The following MARCHF3 variants were observed in gnomAD, a reference collection of about 807,000 sequenced individuals.
MARCHF3 encodes the protein E3 ubiquitin-protein ligase MARCHF3.
A neutral mutation model predicts 24.2 loss-of-function variants in MARCHF3; 13 were observed. That is an observed-to-expected ratio of 0.54 (90% CI 0.35 to 0.85). The LOEUF (loss-of-function observed/expected upper bound fraction) is 0.85. Among genes scored for constraint, MARCHF3 ranks in the 40% least tolerant of loss-of-function variants. MARCHF3 has a pLI of 0.01. For synonymous variants in MARCHF3, 144 were observed against 137.3 expected (o/e 1.05, Z -0.34); for missense variants, 276 against 325.0 (o/e 0.85, Z 1.16).
chr5:126,899,524 G>A lies in MARCHF3; in HGVS notation c.393+15406C>T, dbSNP rs931863833. ...CCTCCTAAGGAATTGGTAACATAAT[G>A]ACTCAGTAAACTGAAGACTCAAATG... On this transcript the variant is annotated intron_variant, in intron 3 of 4. Transcript: ENST00000308660. Among the ~76,000 whole-genome samples, 7 of 152,196 alleles carry A rather than the reference G, an allele frequency of 4.6e-5. No individual in the cohort carries two copies. In the South Asian group the frequency reaches 8.3e-4, roughly 18 times the overall value.
At chr5:126,895,419 G>C (rs1036705111) in intron 3 of MARCHF3, among the ~76,000 whole-genome samples, 1 of 151,986 alleles carries the variant, frequency 6.6e-6, no homozygotes, top group Non-Finnish European at 1.5e-5. Flanking sequence ...TTTCTGTTCT[G>C]TTTTTTTCCC....
intron 1 of MARCHF3, among the ~76,000 whole-genome samples, chr5:127,017,270 A>G (rs1034881000): frequency 1.5e-4 from 23 of 152,226 alleles, no homozygotes; most frequent in Non-Finnish European, 2.9e-4. Context: ...GATAAAAAAA[A>G]ATGAATTATC....
At chr5:126,949,310 A>C (rs1301058885) in intron 1 of MARCHF3, among the ~76,000 whole-genome samples, 1 of 152,232 alleles carries the variant, frequency 6.6e-6, no homozygotes, top group Non-Finnish European at 1.5e-5. Context: ...CAGATCATTT[A>C]AACCAAGAAA....
intron 3 of MARCHF3, among the ~76,000 whole-genome samples, chr5:126,902,798 G>C (rs1460947087): frequency 2.0e-5 from 3 of 152,054 alleles, no homozygotes; most frequent in Non-Finnish European, 4.4e-5. Flanking sequence ...AAGACTGGAC[G>C]ACTGCAGGAT....
intron 3 of MARCHF3, among the ~76,000 whole-genome samples, chr5:126,879,373 A>G (rs1753276243): frequency 6.6e-6 from 1 of 152,144 alleles, no homozygotes; most frequent in Non-Finnish European, 1.5e-5. Flanking sequence ...GATACCAAAC[A>G]CGGAATAATA....
intron 1 of MARCHF3, among the ~76,000 whole-genome samples, chr5:127,019,768 C>A (rs996243585): frequency 1.3e-5 from 2 of 151,460 alleles, no homozygotes; most frequent in Admixed American, 6.6e-5. Flanking sequence ...AGATAATACA[C>A]GTCCTTACTG....
At chr5:126,959,203 A>G (rs940480279) in intron 1 of MARCHF3, among the ~76,000 whole-genome samples, 2 of 152,214 alleles carry the variant, frequency 1.3e-5, no homozygotes, top group African/African-American at 2.4e-5. Context: ...ATCAAGGTCA[A>G]CATCAACAGT....
rs80155150 is a variant in MARCHF3, at chr5:126,968,575, T to C, written c.-56-50348A>G. ...TTCAAATCTTTTGTCCAGTTTTCAATTGGGTTATTATTATTTTTGAGGCAG... is the reference window on the plus strand; with the variant it reads ...TTCAAATCTTTTGTCCAGTTTTCAACTGGGTTATTATTATTTTTGAGGCAG... On this transcript the variant is annotated intron_variant, in intron 1 of 4. Transcript: ENST00000308660. Among the ~76,000 whole-genome samples the C allele has an allele frequency of 1.1e-3, 162 of 152,218 alleles. 1 individual carries two copies. Among genetic ancestry groups the C allele is most frequent in the African/African-American group, 3.7e-3 (155 of 41,550 alleles).
chr5:126,972,846 T>C lies in MARCHF3; in HGVS notation c.-56-54619A>G, dbSNP rs574384269. Among the ~76,000 whole-genome samples the C allele has an allele frequency of 1.9e-4, 29 of 152,340 alleles. No individual in the cohort carries two copies. The East Asian group carries it at 5.0e-3, about 26-fold the overall frequency. On this transcript the variant is annotated intron_variant, in intron 1 of 4. Transcript: ENST00000308660. ...AAAAACCCTGTATATTTGAGAGAGT[T>C]TTGAAACCCATCCCAAATACACTCC...
chr5:126,904,544 T>G (rs932804950), intron 3 of MARCHF3, among the ~76,000 whole-genome samples: 17 of 149,384 alleles, frequency 1.1e-4, no homozygotes, highest in Non-Finnish European at 2.2e-4. Context: ...TGGCTTTGAT[T>G]TGTGTTTCTC....
intron 3 of MARCHF3, among the ~76,000 whole-genome samples, chr5:126,884,927 ACTGT>A (rs1251694738): frequency 6.6e-6 from 1 of 152,154 alleles, no homozygotes; most frequent in African/African-American, 2.4e-5. Context: ...TAAAGTCCAA[ACTGT>A]CTACCTGGTA....
chr5:126,991,258 T>C (rs975814370), intron 1 of MARCHF3, among the ~76,000 whole-genome samples: 3 of 152,168 alleles, frequency 2.0e-5, no homozygotes, highest in African/African-American at 7.2e-5. Context: ...GGGACATGGA[T>C]GAAGCTGGAA....
At chr5:126,908,728 T>TA (rs1754396083) in intron 3 of MARCHF3, among the ~76,000 whole-genome samples, 2 of 149,904 alleles carry the variant, frequency 1.3e-5, no homozygotes, top group Non-Finnish European at 2.9e-5. Context: ...TCTTCTAAAG[T>TA]TTTTTCAAAG....
At chr5:126,892,737 G>T (rs1315184322) in intron 3 of MARCHF3, among the ~76,000 whole-genome samples, 2 of 149,582 alleles carry the variant, frequency 1.3e-5, no homozygotes, top group Non-Finnish European at 2.9e-5. Context: ...CAAGGATATT[G>T]GTCTAAAATT....
At chr5:126,998,203 T>C (rs2070859840) in intron 1 of MARCHF3, among the ~76,000 whole-genome samples, 1 of 152,116 alleles carries the variant, frequency 6.6e-6, no homozygotes, top group Non-Finnish European at 1.5e-5. Flanking sequence ...ATTATGAAAA[T>C]ACAAAGGCAG....
chr5:126,990,594 A>T (rs545937126), intron 1 of MARCHF3, among the ~76,000 whole-genome samples: 1 of 152,340 alleles, frequency 6.6e-6, no homozygotes, highest in South Asian at 2.1e-4. Flanking sequence ...AGAAACTACC[A>T]TCAGAGTGAA....
chr5:126,871,406 C>T (rs1260166459), intron 4 of MARCHF3, among the ~76,000 whole-genome samples: 1 of 152,192 alleles, frequency 6.6e-6, no homozygotes, highest in Non-Finnish European at 1.5e-5. Context: ...CCACTAACTC[C>T]CCTGATAAAT....
intron 1 of MARCHF3, among the ~76,000 whole-genome samples, chr5:126,971,454 A>T (rs1751008384): frequency 1.3e-5 from 2 of 151,218 alleles, no homozygotes; most frequent in Admixed American, 1.3e-4. Flanking sequence ...GTCTCAAAAA[A>T]AAAAAAAAAA....
intron 4 of MARCHF3, among the ~76,000 whole-genome samples, chr5:126,874,853 GC>G (rs147396030): frequency 0.032 from 4,817 of 152,246 alleles, 109 homozygotes; most frequent in Non-Finnish European, 0.039. Context: ...GTCTAAAGCA[GC>G]CCCACAGTGA....
Sources: allele counts gnomAD v4.1 joint callset (sites outside exome capture counted in the v4.1 genomes callset), GRCh38; gene constraint gnomAD v4.1.1; transcripts MANE v1.5; gene names NCBI Gene and HGNC (gene_info 2026-07-23, HGNC 2026-07-21).